Variants in EPC2 observed in about 807,000 individuals in gnomAD.
EPC2 encodes enhancer of polycomb homolog 2.
In EPC2, 14 loss-of-function variants were observed where a neutral mutation model predicts 92.1. The observed-to-expected ratio is 0.15, with a 90% CI of 0.10 to 0.24. The LOEUF is 0.24. Ranked by LOEUF, EPC2 falls within the 10% of genes least tolerant of loss-of-function variation. EPC2 has a pLI of 1.00. For synonymous variants in EPC2, 340 were observed against 334.7 expected (o/e 1.02, Z -0.17); for missense variants, 755 against 971.5 (o/e 0.78, Z 2.96).
At chr2:148,784,322 A>G (rs751586311) in intron 12 of EPC2, among the ~76,000 whole-genome samples, 1 of 152,092 alleles carries the variant, frequency 6.6e-6, no homozygotes, top group Non-Finnish European at 1.5e-5. Context: ...CATGAACCTG[A>G]TTGTCCATTT....
At chr2:148,764,630 C>T (rs530090158) in intron 6 of EPC2, among the ~76,000 whole-genome samples, 1 of 152,186 alleles carries the variant, frequency 6.6e-6, no homozygotes, top group African/African-American at 2.4e-5. Flanking sequence ...TTTATCAATA[C>T]AGCAGATTTA....
intron 2 of EPC2, among the ~76,000 whole-genome samples, chr2:148,701,380 A>G (rs1474053263): frequency 6.6e-6 from 1 of 152,194 alleles, no homozygotes; most frequent in Non-Finnish European, 1.5e-5. Flanking sequence ...CACTTGTGAT[A>G]TTAACTGTAG....
At chr2:148,762,633 A>T (rs1457452654) in intron 5 of EPC2, 37 bp from the exon 6 acceptor site, 2 of 1,470,968 alleles carry the variant, frequency 1.4e-6, no homozygotes. Context: ...TTGTCAAACT[A>T]TGCAATGTTT....
chr2:148,768,692 TGTG>T (rs1683462036), intron 7 of EPC2, among the ~76,000 whole-genome samples: 2 of 152,320 alleles, frequency 1.3e-5, no homozygotes, highest in East Asian at 1.9e-4. Flanking sequence ...TTTTTTTTGT[TGTG>T]GTGATTTTTT....
intron 1 of EPC2, among the ~76,000 whole-genome samples, chr2:148,676,702 G>T (rs1160267593): frequency 1.3e-5 from 2 of 150,780 alleles, no homozygotes; most frequent in African/African-American, 4.9e-5. Context: ...TTTTACTGCT[G>T]CCTAAGCAAG....
intron 5 of EPC2, 33 bp from the exon 6 acceptor site, chr2:148,762,637 A>T (rs751952039): frequency 1.3e-6 from 2 of 1,487,860 alleles, no homozygotes; most frequent in East Asian, 4.7e-5. Flanking sequence ...CAAACTATGC[A>T]ATGTTTTCTT....
intron 3 of EPC2, among the ~76,000 whole-genome samples, chr2:148,749,772 T>G (rs1407200734): frequency 1.3e-5 from 2 of 152,110 alleles, no homozygotes; most frequent in Admixed American, 6.6e-5. Context: ...CATCACACAA[T>G]AAAATTTTAA....
chr2:148,705,296 T>TA (rs1681970338), intron 2 of EPC2, among the ~76,000 whole-genome samples: 1 of 144,678 alleles, frequency 6.9e-6, no homozygotes, highest in South Asian at 2.5e-4. Context: ...AGTTATCATT[T>TA]TAAAAAAAAA....
intron 3 of EPC2, among the ~76,000 whole-genome samples, chr2:148,744,989 G>T (rs1280651083): frequency 9.5e-4 from 44 of 46,318 alleles, no homozygotes; most frequent in Non-Finnish European, 1.2e-3. Flanking sequence ...CTATCAGTTT[G>T]CCCCCCCCCC....
intron 1 of EPC2, among the ~76,000 whole-genome samples, chr2:148,683,504 G>T (rs1373068609): frequency 6.6e-6 from 1 of 152,086 alleles, no homozygotes; most frequent in East Asian, 1.9e-4. Context: ...CTGATCTCGT[G>T]ATCCACCCAC....
At chr2:148,774,660 C>G (rs993674699) in intron 10 of EPC2, among the ~76,000 whole-genome samples, 3 of 138,610 alleles carry the variant, frequency 2.2e-5, no homozygotes, top group African/African-American at 7.6e-5. Context: ...TATTTGTTAT[C>G]TTTTATATAC....
chr2:148,762,590 AT>A (rs1420547319), intron 5 of EPC2, 79 bp from the exon 6 acceptor site: 6 of 1,034,342 alleles, frequency 5.8e-6, no homozygotes, highest in Admixed American at 7.0e-5. Context: ...GTGACTTCCA[AT>A]TAATTGAGGT....
chr2:148,672,280 G>T (rs1307376755), intron 1 of EPC2, among the ~76,000 whole-genome samples: 1 of 151,984 alleles, frequency 6.6e-6, no homozygotes, highest in South Asian at 2.1e-4. Flanking sequence ...CTTTCTTTTG[G>T]TTACCATTTA....
intron 10 of EPC2, among the ~76,000 whole-genome samples, chr2:148,776,780 G>A (rs1683652481): frequency 6.6e-6 from 1 of 151,862 alleles, no homozygotes; most frequent in South Asian, 2.1e-4. Flanking sequence ...ACTTCGTGAG[G>A]ACAAAGTGGG....
At chr2:148,682,476 A>G (rs1681418696) in intron 1 of EPC2, among the ~76,000 whole-genome samples, 3 of 152,210 alleles carry the variant, frequency 2.0e-5, no homozygotes, top group Admixed American at 2.0e-4. Flanking sequence ...ACTGGGGTGC[A>G]TTGAGTGCAC....
At chr2:148,741,293 C>T (rs1250808470) in intron 2 of EPC2, among the ~76,000 whole-genome samples, 1 of 152,052 alleles carries the variant, frequency 6.6e-6, no homozygotes, top group East Asian at 1.9e-4. Flanking sequence ...ATGTTTAAAG[C>T]ACTTTGAGTA....
At position 148,729,512 on chromosome 2, in the gene EPC2, G is replaced by A. The variant is rs555415178; in HGVS notation, c.314-14110G>A. Among the ~76,000 whole-genome samples the A allele has an allele frequency of 1.1e-3, 161 of 152,122 alleles. 1 individual carries two copies. The highest frequency in any genetic ancestry group is 3.7e-3 in the African/African-American group (154 of 41,494). ...CTTTACTTGAATTTCTCTCAGGATTGTTTTAGTTTAGATTTCATGTTAAGA... is the reference window on the plus strand; with the variant it reads ...CTTTACTTGAATTTCTCTCAGGATTATTTTAGTTTAGATTTCATGTTAAGA... On this transcript the variant is annotated intron_variant, in intron 2 of 13. Coordinates refer to ENST00000258484, the MANE Select transcript of EPC2 (RefSeq NM_015630.4).
rs141892970 is a variant in EPC2, at chr2:148,774,349, G to A, written c.1720+2962G>A. Among the ~76,000 whole-genome samples, 18 of 152,068 alleles carry A rather than the reference G, an allele frequency of 1.2e-4. No individual in the cohort carries two copies. The East Asian group carries it at 2.5e-3, about 21-fold the overall frequency. On this transcript the variant is annotated intron_variant, in intron 10 of 13. Coordinates refer to ENST00000258484, the MANE Select transcript of EPC2 (RefSeq NM_015630.4). The stretch of plus-strand genomic sequence containing the variant: ...ATGTGTCCAAAATATATTCTAGGCC[G>A]GGCGTGGTGGCTCACGCCTGTAATC...
At chr2:148,679,789 A>T (rs1681356743) in intron 1 of EPC2, among the ~76,000 whole-genome samples, 1 of 152,114 alleles carries the variant, frequency 6.6e-6, no homozygotes, top group Non-Finnish European at 1.5e-5. Context: ...AGGACCACTG[A>T]TGTGAGCCAC....
Sources: allele counts gnomAD v4.1 joint callset (sites outside exome capture counted in the v4.1 genomes callset), GRCh38; gene constraint gnomAD v4.1.1; transcripts MANE v1.5; gene names NCBI Gene and HGNC (gene_info 2026-07-23, HGNC 2026-07-21).